Variants in BOC observed in about 807,000 individuals in gnomAD.
BOC encodes the protein brother of CDO.
In BOC, 76 loss-of-function variants were observed where a neutral mutation model predicts 112.0. The ratio of observed to expected loss-of-function variants is 0.68; its 90% CI spans 0.56 to 0.82. The LOEUF (loss-of-function observed/expected upper bound fraction) is 0.82, where lower values mean the gene tolerates loss of function less well. Ranked by LOEUF, BOC falls within the 40% of genes least tolerant of loss-of-function variation. BOC has a pLI of 0.00. For synonymous variants in BOC, 580 were observed against 599.8 expected (o/e 0.97, Z 0.48); for missense variants, 1,309 against 1,511.7 (o/e 0.87, Z 2.22).
At chr3:113,219,664 G>A (rs1940196058) in intron 2 of BOC, among the ~76,000 whole-genome samples, 1 of 152,200 alleles carries the variant, frequency 6.6e-6, no homozygotes, top group African/African-American at 2.4e-5. Context: ...TAAGGGGTAG[G>A]TGAGGGTCTT....
chr3:113,268,218 A>C (rs763626304), intron 4 of BOC, 81 bp from the exon 5 acceptor site: 94 of 1,570,548 alleles, frequency 6.0e-5, no homozygotes, highest in Non-Finnish European at 8.0e-5. Context: ...ATGACTGACA[A>C]CACCAAGGCA....
chr3:113,246,866 T>C (rs539545359), intron 2 of BOC, among the ~76,000 whole-genome samples: 3 of 152,252 alleles, frequency 2.0e-5, no homozygotes, highest in South Asian at 4.1e-4. Flanking sequence ...CTTTTCTCCT[T>C]GTTGTTTTTG....
intron 2 of BOC, among the ~76,000 whole-genome samples, chr3:113,224,152 G>A (rs950308762): frequency 3.9e-5 from 6 of 152,194 alleles, no homozygotes; most frequent in Admixed American, 2.0e-4. Context: ...GCTCTTGCAC[G>A]CCTACATCCA....
intron 2 of BOC, among the ~76,000 whole-genome samples, chr3:113,238,513 T>C (rs552650579): frequency 8.5e-5 from 13 of 152,390 alleles, no homozygotes; most frequent in East Asian, 1.9e-4. Context: ...GGATCTATGT[T>C]ACTTTTCTCA....
In BOC at chr3:113,278,541, C is replaced by T. The variant is rs764718431; in HGVS notation, c.1706-132C>T. The T allele has an allele frequency of 2.4e-4, 204 of 844,116 alleles. 1 individual carries two copies. Among genetic ancestry groups the T allele is most frequent in the Admixed American group, 4.4e-4 (20 of 45,106 alleles). The allele number at this position is 844,116 out of a possible 1,614,324, so 52.3% of individuals were successfully genotyped here. On this transcript the variant is annotated intron_variant, in intron 10 of 19. Transcript: ENST00000682979. This position sits in a 1 kb window ranked among gnomAD's most constrained non-coding sequence, Gnocchi z 4.2. ...TCTCGGCCGAGGCTGAGCCCACACCCTCAGTGCCCCGGATGCTTATTTGCA... is the reference window on the plus strand; with the variant it reads ...TCTCGGCCGAGGCTGAGCCCACACCTTCAGTGCCCCGGATGCTTATTTGCA...
Position 113,278,938 on chromosome 3 carries a change from T to C in BOC, c.1816+155T>C. The C allele has an allele frequency of 1.4e-6, 1 of 711,380 alleles. No individual in the cohort carries two copies. 44.1% of individuals were successfully genotyped at this position (711,380 alleles called of 1,614,324 possible). A position where few individuals can be genotyped will look rare whatever the true frequency, so the allele number is the denominator to read the frequency against. ...ATGAGGAAATGTAGTTTGGAGCTTTTTAAATAAAAGGCTGGCATTGATGCT... is the reference window on the plus strand; with the variant it reads ...ATGAGGAAATGTAGTTTGGAGCTTTCTAAATAAAAGGCTGGCATTGATGCT... On this transcript the variant is annotated intron_variant, in intron 11 of 19. Transcript: ENST00000682979. This position sits in a 1 kb window ranked among gnomAD's most constrained non-coding sequence, Gnocchi z 4.2.
At chr3:113,216,930 G>C (rs773913421) in intron 2 of BOC, among the ~76,000 whole-genome samples, 2 of 152,136 alleles carry the variant, frequency 1.3e-5, no homozygotes, top group Non-Finnish European at 2.9e-5. Flanking sequence ...GGTGGGTAGG[G>C]TTGAAGAAAA....
chr3:113,241,274 C>T (rs149300735), intron 2 of BOC, among the ~76,000 whole-genome samples: 212 of 152,260 alleles, frequency 1.4e-3, no homozygotes, highest in African/African-American at 4.5e-3. Context: ...TTTCTGTCCC[C>T]AAAGGCCCTG....
Position 113,286,742 on chromosome 3 carries a change from T to A in BOC, c.3228T>A (p.Ser1076Arg), listed in dbSNP as rs373669626. The A allele has an allele frequency of 2.6e-4, 418 of 1,613,472 alleles. 1 individual carries two copies. Among genetic ancestry groups the A allele is most frequent in the Middle Eastern group, 1.3e-3 (8 of 6,058 alleles). Residue 1076 changes from serine (S) to arginine (R), a missense_variant, in exon 20 of 20, where the codon AGT becomes AGA. Ser to Arg is a moderately radical substitution (Grantham distance 110). Coordinates refer to ENST00000682979, the MANE Select transcript of BOC (RefSeq NM_001378074.1). ...EVDSPDSCQV[S>R]GGDWCPQHPV... ...ACAGTCCTGACTCCTGCCAAGTGAG[T>A]GGAGGAGACTGGTGTCCCCAGCACC...
chr3:113,225,056 GACAGGGTGAGACTCCGTCTCAAAA>G (rs1559805805), intron 2 of BOC, among the ~76,000 whole-genome samples: 1 of 151,686 alleles, frequency 6.6e-6, no homozygotes, highest in African/African-American at 2.4e-5. Flanking sequence ...CAGCCTGGGC[GACAGGGTGAGACTCCGTCTCAAAA>G]ACAAAAACAA....
chr3:113,221,742 A>G (rs913921185), intron 2 of BOC, among the ~76,000 whole-genome samples: 2 of 152,230 alleles, frequency 1.3e-5, no homozygotes, highest in Non-Finnish European at 2.9e-5. Flanking sequence ...ACACTTTTGA[A>G]ACAAAAGCTA....
In BOC at chr3:113,273,172, G is replaced by A. The variant is rs751240657; in HGVS notation, c.1065G>A (p.Leu355=). 6.2e-7 allele frequency: 1 copy of A among 1,614,078 alleles called. No individual in the cohort carries two copies. The highest frequency in any genetic ancestry group is 8.5e-7 in the Non-Finnish European group (1 of 1,180,012). ...GTGGGAACCCCCCGCCCTCCGTGCT[G>A]TGGCTGAGGAATGCTGTGCCCCTCA... ...EVRGNPPPSV[L]WLRNAVPLIS... Residue 355 remains leucine (L), a synonymous_variant, in exon 8 of 20, where the codon CTG becomes CTA. Coordinates refer to ENST00000682979, the MANE Select transcript of BOC (RefSeq NM_001378074.1).
intron 4 of BOC, among the ~76,000 whole-genome samples, chr3:113,254,231 A>G (rs1011471223): frequency 6.6e-6 from 1 of 152,232 alleles, no homozygotes; most frequent in Non-Finnish European, 1.5e-5. Context: ...TTGAAAGCCA[A>G]GAACTATTGG....
At chr3:113,251,768 A>G (rs1210723075) in intron 4 of BOC, 1 of 152,178 alleles carries the variant, frequency 6.6e-6, no homozygotes, top group Non-Finnish European at 1.5e-5. Flanking sequence ...GGATGGTCCT[A>G]ATAACCGCTC....
chr3:113,267,454 A>G (rs1262523943), intron 4 of BOC, among the ~76,000 whole-genome samples: 1 of 152,322 alleles, frequency 6.6e-6, no homozygotes, highest in African/African-American at 2.4e-5. Flanking sequence ...GCCAGAGACC[A>G]CAGTCTCATG....
intron 4 of BOC, among the ~76,000 whole-genome samples, chr3:113,256,355 A>T (rs1576429542): frequency 6.6e-6 from 1 of 152,120 alleles, no homozygotes; most frequent in African/African-American, 2.4e-5. Context: ...GTGCTCTCTA[A>T]CTCAGATTCC....
At chr3:113,242,993 C>T (rs1576389713) in intron 2 of BOC, among the ~76,000 whole-genome samples, 1 of 152,134 alleles carries the variant, frequency 6.6e-6, no homozygotes. Context: ...GTGGTGCCTT[C>T]GGTCTGTACA....
At chr3:113,228,360 C>T (rs1200821037) in intron 2 of BOC, among the ~76,000 whole-genome samples, 1 of 151,994 alleles carries the variant, frequency 6.6e-6, no homozygotes, top group Non-Finnish European at 1.5e-5. Flanking sequence ...ATTAGGAGTA[C>T]AGGGCTCCTG....
intron 2 of BOC, among the ~76,000 whole-genome samples, chr3:113,230,822 A>C (rs1272459216): frequency 6.6e-6 from 1 of 152,364 alleles, no homozygotes; most frequent in East Asian, 1.9e-4. Flanking sequence ...GGCAATCTTT[A>C]AATGTTAACT....
Sources: gnomAD v4.1 joint callset for allele counts (sites outside exome capture counted in the v4.1 genomes callset) on GRCh38, gnomAD v4.1.1 for gene constraint, Gnocchi (gnomAD v3.1) non-coding constraint, MANE v1.5 for transcripts, NCBI Gene and HGNC (gene_info 2026-07-23, HGNC 2026-07-21) for gene names.